Variants in ANGPT1 observed in about 807,000 individuals in gnomAD.
ANGPT1 encodes angiopoietin 1, also known as angiopoietin-1.
In ANGPT1, 17 loss-of-function variants were observed where a neutral mutation model predicts 62.2. The observed-to-expected ratio is 0.27, with a 90% CI of 0.19 to 0.41. The LOEUF (loss-of-function observed/expected upper bound fraction) is 0.41. Ranked by LOEUF, ANGPT1 falls within the 10% of genes least tolerant of loss-of-function variation. The pLI is 1.00. For missense variants in ANGPT1, 478 were observed against 594.9 expected (o/e 0.80, Z 2.04); for synonymous variants, 199 against 198.9 (o/e 1.00, Z 0.00).
intron 1 of ANGPT1, among the ~76,000 whole-genome samples, chr8:107,404,093 G>A (rs572516570): frequency 1.3e-5 from 2 of 152,098 alleles, no homozygotes; most frequent in South Asian, 2.1e-4. Flanking sequence ...GATCAGCTTC[G>A]TGCCGGCCAC....
At chr8:107,458,555 A>T (rs538287816) in intron 1 of ANGPT1, among the ~76,000 whole-genome samples, 115 of 152,308 alleles carry the variant, frequency 7.6e-4, no homozygotes, top group African/African-American at 2.7e-3. Flanking sequence ...TGTCTAGTAG[A>T]TAATTATTGG....
chr8:107,396,497 C>G (rs375604032), intron 1 of ANGPT1, among the ~76,000 whole-genome samples: 1 of 122,022 alleles, frequency 8.2e-6, no homozygotes, highest in Non-Finnish European at 1.8e-5. Flanking sequence ...AGCCTTTTTT[C>G]TTTTTCTTTT....
intron 1 of ANGPT1, among the ~76,000 whole-genome samples, chr8:107,374,440 C>T (rs1015169826): frequency 4.1e-4 from 63 of 152,320 alleles, no homozygotes; most frequent in African/African-American, 1.4e-3. Context: ...TATATTCTGG[C>T]AGGAGGTCAT....
chr8:107,387,757 A>G (rs1420257914), intron 1 of ANGPT1, among the ~76,000 whole-genome samples: 1 of 150,406 alleles, frequency 6.6e-6, no homozygotes, highest in African/African-American at 2.4e-5. Flanking sequence ...TAAAGACTTC[A>G]TTCCAAGCAA....
intron 1 of ANGPT1, among the ~76,000 whole-genome samples, chr8:107,361,556 T>TGGGATGGGGTAATAG (rs1563586454): frequency 7.6e-5 from 2 of 26,326 alleles, no homozygotes; most frequent in African/African-American, 1.0e-4. Context: ...AATATATGTA[T>TGGGATGGGGTAATAG]ATATTATATA....
intron 1 of ANGPT1, among the ~76,000 whole-genome samples, chr8:107,359,120 G>A (rs958399019): frequency 4.6e-5 from 7 of 151,996 alleles, no homozygotes; most frequent in African/African-American, 1.7e-4. Flanking sequence ...TATATTAACA[G>A]TATTGTTTTA....
At chr8:107,268,644 A>C (rs1330391834) in intron 7 of ANGPT1, among the ~76,000 whole-genome samples, 1 of 152,146 alleles carries the variant, frequency 6.6e-6, no homozygotes, top group Non-Finnish European at 1.5e-5. Context: ...AACTGAAAAC[A>C]ATTTGAAAGC....
At chr8:107,279,771 AGG>A (rs5893835) in intron 7 of ANGPT1, among the ~76,000 whole-genome samples, 3,136 of 151,204 alleles carry the variant, frequency 0.021, 119 homozygotes, top group African/African-American at 0.07. Context: ...ACTCAAAGGA[AGG>A]GGGGGGGAGA....
At chr8:107,417,433 A>C (rs928230386) in intron 1 of ANGPT1, among the ~76,000 whole-genome samples, 2 of 152,160 alleles carry the variant, frequency 1.3e-5, no homozygotes, top group African/African-American at 4.8e-5. Context: ...AAGTGAGAAA[A>C]GGGCAACATT....
intron 1 of ANGPT1, among the ~76,000 whole-genome samples, chr8:107,367,776 A>G (rs1816306891): frequency 6.6e-6 from 1 of 152,226 alleles, no homozygotes; most frequent in Non-Finnish European, 1.5e-5. Context: ...CACTTTCCAT[A>G]AGAAGCAACT....
chr8:107,314,560 C>A (rs1814969203), intron 4 of ANGPT1, among the ~76,000 whole-genome samples: 2 of 152,116 alleles, frequency 1.3e-5, no homozygotes, highest in Admixed American at 6.5e-5. Flanking sequence ...CAAAAATAAA[C>A]AGTCAATTTT....
chr8:107,382,112 A>C (rs1816650058), intron 1 of ANGPT1, among the ~76,000 whole-genome samples: 1 of 152,198 alleles, frequency 6.6e-6, no homozygotes, highest in Non-Finnish European at 1.5e-5. Flanking sequence ...TTTAATGGCA[A>C]AACCCACAAT....
chr8:107,435,890 T>C (rs1488246813), intron 1 of ANGPT1, among the ~76,000 whole-genome samples: 2 of 152,132 alleles, frequency 1.3e-5, no homozygotes, highest in African/African-American at 2.4e-5. Flanking sequence ...TATAATACAA[T>C]ACAATTTTAC....
intron 1 of ANGPT1, among the ~76,000 whole-genome samples, chr8:107,446,855 T>C (rs549593020): frequency 6.6e-6 from 1 of 152,350 alleles, no homozygotes; most frequent in African/African-American, 2.4e-5. Context: ...ACTCAACAAT[T>C]GTATACTTGA....
At chr8:107,348,898 G>T (rs1815870603) in intron 1 of ANGPT1, among the ~76,000 whole-genome samples, 1 of 152,162 alleles carries the variant, frequency 6.6e-6, no homozygotes, top group African/African-American at 2.4e-5. Context: ...TTCTGCTCCT[G>T]CTTCATAGGT....
At chr8:107,442,351 G>T (rs1195843241) in intron 1 of ANGPT1, among the ~76,000 whole-genome samples, 1 of 151,776 alleles carries the variant, frequency 6.6e-6, no homozygotes, top group Non-Finnish European at 1.5e-5. Context: ...ACTAGTGTAG[G>T]TCATGTTGCA....
chr8:107,466,561 C>T (rs953021217), intron 1 of ANGPT1, among the ~76,000 whole-genome samples: 8 of 152,008 alleles, frequency 5.3e-5, no homozygotes, highest in African/African-American at 1.4e-4. Flanking sequence ...GGGAATTATT[C>T]GTAAAGCCAA....
At chr8:107,384,121 A>T (rs1481463672) in intron 1 of ANGPT1, among the ~76,000 whole-genome samples, 1 of 152,110 alleles carries the variant, frequency 6.6e-6, no homozygotes, top group Non-Finnish European at 1.5e-5. Flanking sequence ...TGTGGAGTCT[A>T]AGGTCCAGGA....
intron 1 of ANGPT1, among the ~76,000 whole-genome samples, chr8:107,379,698 T>A (rs1011214603): frequency 2.0e-5 from 3 of 152,206 alleles, no homozygotes. Context: ...ATTTTGCATA[T>A]TTACTTCCCA....
Sources: allele counts gnomAD v4.1 joint callset (sites outside exome capture counted in the v4.1 genomes callset), GRCh38; gene constraint gnomAD v4.1.1; transcripts MANE v1.5; gene names NCBI Gene and HGNC (gene_info 2026-07-23, HGNC 2026-07-21).